The following ROCK2 variants were observed in gnomAD, a reference collection of about 807,000 sequenced individuals.
The protein encoded by ROCK2 is rho-associated protein kinase 2.
ROCK2 carries 61 observed loss-of-function variants against 195.1 expected under a neutral mutation model. That is an observed-to-expected ratio of 0.31 (90% CI 0.25 to 0.39). The LOEUF is 0.39. Among genes scored for constraint, ROCK2 ranks in the 10% least tolerant of loss-of-function variants. The probability of loss-of-function intolerance (pLI) is 1.00; values close to 1 mark genes in which losing one functional copy is unlikely to be tolerated. For missense variants in ROCK2, 1,109 were observed against 1,637.4 expected, an observed-to-expected ratio of 0.68 and a Z score of 5.57; for synonymous variants, 504 against 545.5, an observed-to-expected ratio of 0.92 and a Z score of 1.06.
At chr2:11,300,854 CAAAA>C (rs563487918) in intron 1 of ROCK2, among the ~76,000 whole-genome samples, 10 of 145,594 alleles carry the variant, frequency 6.9e-5, no homozygotes, top group African/African-American at 2.5e-4. Context: ...TACTAAGGTG[CAAAA>C]AAAAAAGTTG....
At chr2:11,206,398 A>C (rs1208253760) in intron 20 of ROCK2, among the ~76,000 whole-genome samples, 2 of 152,202 alleles carry the variant, frequency 1.3e-5, no homozygotes, top group Non-Finnish European at 2.9e-5. Flanking sequence ...CTGCATAAAC[A>C]CTATCGTTAG....
At position 11,344,528 on chromosome 2, in the gene ROCK2, G is replaced by A. The variant is rs2148287221; in HGVS notation, c.-392C>T. 1 of 984,070 alleles carries A rather than the reference G, an allele frequency of 1.0e-6. No individual in the cohort carries two copies. The allele number at this position is 984,070 out of a possible 1,614,324, so 61.0% of individuals were successfully genotyped here. A position where few individuals can be genotyped will look rare whatever the true frequency, so the allele number is the denominator to read the frequency against. ...TGGGGCCCCGGGAGGCTGAAGCCCA[G>A]GCCTGGGCCACTACGGCCGCCGCCG... On this transcript the variant is annotated 5_prime_UTR_variant, in exon 1 of 33. Transcript: ENST00000315872. This position sits in a 1 kb window ranked among gnomAD's most constrained non-coding sequence, Gnocchi z 5.4.
At chr2:11,193,014 G>A (rs1372242703) in intron 30 of ROCK2, among the ~76,000 whole-genome samples, 1 of 152,124 alleles carries the variant, frequency 6.6e-6, no homozygotes, top group Admixed American at 6.5e-5. Context: ...TCAGCAAAAG[G>A]TAACTTCATA....
At chr2:11,275,411 A>G (rs1371637950) in intron 3 of ROCK2, among the ~76,000 whole-genome samples, 1 of 152,228 alleles carries the variant, frequency 6.6e-6, no homozygotes, top group Non-Finnish European at 1.5e-5. Flanking sequence ...TGTAGAAAGC[A>G]AAACTACAGG....
chr2:11,195,399 A>T (rs1365189854), intron 27 of ROCK2, among the ~76,000 whole-genome samples: 1 of 151,900 alleles, frequency 6.6e-6, no homozygotes, highest in Non-Finnish European at 1.5e-5. Context: ...TTTCCTTTGG[A>T]AGAGGGCCAC....
At chr2:11,264,265 G>GAAAATAGAA (rs541082040) in intron 3 of ROCK2, among the ~76,000 whole-genome samples, 217 of 152,306 alleles carry the variant, frequency 1.4e-3, no homozygotes, top group African/African-American at 5.0e-3. Context: ...TGCAAAGCAG[G>GAAAATAGAA]TGTTCATACA....
intron 3 of ROCK2, among the ~76,000 whole-genome samples, chr2:11,255,641 C>T (rs1162055061): frequency 2.7e-5 from 4 of 150,792 alleles, no homozygotes; most frequent in Middle Eastern, 6.8e-3. Flanking sequence ...GAAACTAGGC[C>T]GGGTGCAGTG....
intron 1 of ROCK2, among the ~76,000 whole-genome samples, chr2:11,319,291 T>A (rs1323819925): frequency 2.0e-5 from 3 of 152,218 alleles, no homozygotes; most frequent in Non-Finnish European, 4.4e-5. Flanking sequence ...GAGCAGTGGT[T>A]TGTAGTTCTC....
At chr2:11,274,730 A>G (rs11903137) in intron 3 of ROCK2, among the ~76,000 whole-genome samples, 2,711 of 152,290 alleles carry the variant, frequency 0.018, 88 homozygotes, top group African/African-American at 0.062. Flanking sequence ...AAAACTGAAG[A>G]GGAAGGAACA....
At position 11,184,704 on chromosome 2, in the gene ROCK2, T is replaced by A. The variant is rs185211627; in HGVS notation, c.4164-1264A>T. The A allele has an allele frequency of 7.8e-5, 77 of 983,766 alleles. No homozygotes were observed. In the Admixed American group the frequency reaches 1.5e-3, roughly 19 times the overall value. 60.9% of individuals were successfully genotyped at this position (983,766 alleles called of 1,614,324 possible). ...TCAGAAATCAAAAACATCGTCATCA[T>A]CATCACCACCACCATCAACATCATC... On this transcript the variant is annotated intron_variant, in intron 32 of 32. Transcript: ENST00000315872.
At chr2:11,298,545 G>C (rs1412247225) in intron 1 of ROCK2, among the ~76,000 whole-genome samples, 2 of 150,024 alleles carry the variant, frequency 1.3e-5, no homozygotes, top group Non-Finnish European at 2.9e-5. Context: ...ATTGTGCTTA[G>C]ACATTTTCAC....
In ROCK2 at chr2:11,182,970, A is replaced by G. The variant is rs3755255; in HGVS notation, c.*467T>C. On this transcript the variant is annotated 3_prime_UTR_variant, in exon 33 of 33. Coordinates refer to ENST00000315872, the MANE Select transcript of ROCK2 (RefSeq NM_004850.5). ...TAGAGTACTATATATATATATATAT[A>G]TGTGTGTGTGTTTATATATATATAC... is the stretch of plus-strand genomic sequence containing the variant. 0.027 allele frequency: 2,618 copies of G among 95,778 alleles called. 41 individuals carry two copies. The highest frequency in any genetic ancestry group is 0.075 in the African/African-American group (1,948 of 26,014). The allele number at this position is 95,778 out of a possible 1,614,324, so 5.9% of individuals were successfully genotyped here. A position where few individuals can be genotyped will look rare whatever the true frequency, so the allele number is the denominator to read the frequency against.
At chr2:11,298,794 T>A (rs955477690) in intron 1 of ROCK2, among the ~76,000 whole-genome samples, 3 of 152,104 alleles carry the variant, frequency 2.0e-5, no homozygotes, top group African/African-American at 7.2e-5. Context: ...TAAAAACAAG[T>A]CAGCAATTTT....
intron 6 of ROCK2, among the ~76,000 whole-genome samples, chr2:11,226,133 T>C (rs1664803870): frequency 6.6e-6 from 1 of 152,234 alleles, no homozygotes; most frequent in Non-Finnish European, 1.5e-5. Context: ...TATTATGTTA[T>C]TAGCCTTGAC....
chr2:11,344,553 G>C lies in ROCK2; in HGVS notation c.-417C>G. 1 of 950,238 alleles carries C rather than the reference G, an allele frequency of 1.1e-6. No homozygotes were observed. Among genetic ancestry groups the C allele is most frequent in the Non-Finnish European group, 1.3e-6 (1 of 799,598 alleles). The allele number at this position is 950,238 out of a possible 1,614,324, so 58.9% of individuals were successfully genotyped here. On this transcript the variant is annotated 5_prime_UTR_variant, in exon 1 of 33. Coordinates refer to ENST00000315872, the MANE Select transcript of ROCK2 (RefSeq NM_004850.5). The surrounding 1 kb of genome is among the most constrained non-coding windows in gnomAD (Gnocchi z 5.4). ...GGCCTGGGCCACTACGGCCGCCGCC[G>C]GCCCGCTGCCATGGTCGCCGCCGGC...
At chr2:11,318,811 T>C (rs1668310746) in intron 1 of ROCK2, among the ~76,000 whole-genome samples, 1 of 152,256 alleles carries the variant, frequency 6.6e-6, no homozygotes, top group African/African-American at 2.4e-5. Flanking sequence ...CAGTTTCAGC[T>C]TTCTACATAT....
At chr2:11,340,319 A>G (rs1423508406) in intron 1 of ROCK2, among the ~76,000 whole-genome samples, 3 of 152,052 alleles carry the variant, frequency 2.0e-5, no homozygotes, top group African/African-American at 7.3e-5. Flanking sequence ...CTAATGTGAG[A>G]TTAGGTCAGA....
intron 9 of ROCK2, among the ~76,000 whole-genome samples, chr2:11,220,782 A>G (rs190133136): frequency 2.2e-3 from 331 of 152,266 alleles, no homozygotes; most frequent in East Asian, 6.0e-3. Flanking sequence ...ACCTCTTCCC[A>G]GAGGTCTGAC....
At chr2:11,249,512 T>A in intron 4 of ROCK2, 149 bp downstream of exon 4, 1 of 561,264 alleles carries the variant, frequency 1.8e-6, no homozygotes, top group East Asian at 3.3e-5. Context: ...TTTGGAACAT[T>A]AAACAAATGT....
Sources: allele counts gnomAD v4.1 joint callset (sites outside exome capture counted in the v4.1 genomes callset), GRCh38; gene constraint gnomAD v4.1.1; non-coding constraint Gnocchi (gnomAD v3.1); transcripts MANE v1.5; gene names NCBI Gene and HGNC (gene_info 2026-07-23, HGNC 2026-07-21).